NME8: variants seen among roughly 807,000 people sequenced by gnomAD.
NME8 encodes protein NME8.
NME8 carries 72 observed loss-of-function variants against 82.3 expected under a neutral mutation model. That is an observed-to-expected ratio of 0.87 (90% confidence interval 0.72 to 1.06). NME8 has a LOEUF of 1.06. Ranked by LOEUF, NME8 falls within the 50% of genes least tolerant of loss-of-function variation. NME8 has a pLI of 0.00. For synonymous variants in NME8, 267 were observed against 228.5 expected (o/e 1.17, Z -1.52); for missense variants, 712 against 685.4 (o/e 1.04, Z -0.43).
chr7:37,864,644 T>A (rs914461292), intron 9 of NME8, among the ~76,000 whole-genome samples: 1 of 152,138 alleles, frequency 6.6e-6, no homozygotes, highest in African/African-American at 2.4e-5. Flanking sequence ...ATGTAAATTT[T>A]AAAAAATTAT....
intron 2 of NME8, 56 bp from the exon 3 acceptor site, chr7:37,850,204 G>T (rs2131937313): frequency 3.5e-6 from 5 of 1,421,878 alleles, no homozygotes; most frequent in East Asian, 2.3e-5. Context: ...CATGCATAAA[G>T]AAAATGTTAT....
In NME8 at chr7:37,867,862, A is replaced by G. The variant is rs780346927; in HGVS notation, c.782A>G (p.Gln261Arg). 3 of 1,613,844 alleles carry G rather than the reference A, an allele frequency of 1.9e-6. No individual in the cohort carries two copies. Among genetic ancestry groups the G allele is most frequent in the East Asian group, 2.2e-5 (1 of 44,814 alleles). The stretch of plus-strand genomic sequence containing the variant: ...GAGGATCAACCTGAGGTCGAAGCCC[A>G]GGTTACACCTGGAATGATGAAGAAC... Reference protein sequence around the residue: ...RSEDQPEVEAQVTPGMMKNKQ... With the variant: ...RSEDQPEVEARVTPGMMKNKQ... The change falls in exon 11 of 18, where the codon CAG (glutamine) becomes CGG (arginine). Residue 261 changes from glutamine to arginine, a missense_variant. By Grantham distance (43) the Gln-to-Arg change is conservative. Transcript: ENST00000199447.
intron 11 of NME8, among the ~76,000 whole-genome samples, chr7:37,871,348 C>T (rs966285388): frequency 8.5e-5 from 13 of 152,202 alleles, no homozygotes; most frequent in African/African-American, 2.7e-4. Flanking sequence ...CATTCACATT[C>T]CAGCTTCTTT....
At chr7:37,856,670 A>G (rs911963417) in intron 5 of NME8, among the ~76,000 whole-genome samples, 2 of 152,232 alleles carry the variant, frequency 1.3e-5, no homozygotes, top group Non-Finnish European at 2.9e-5. Context: ...GAAAATATTA[A>G]GAAAATTACA....
intron 8 of NME8, 25 bp from the exon 9 acceptor site, chr7:37,864,323 T>C (rs371340468): frequency 8.8e-6 from 14 of 1,585,546 alleles, no homozygotes; most frequent in Non-Finnish European, 1.2e-5. Flanking sequence ...AATGAAATTC[T>C]GTCTTTTTCT....
chr7:37,861,980 T>C (rs1293609474), intron 6 of NME8, 48 bp from the exon 7 acceptor site: 4 of 1,171,160 alleles, frequency 3.4e-6, no homozygotes, highest in Non-Finnish European at 5.2e-6. Flanking sequence ...TAGTTCTTGG[T>C]GTGTTCTCCA....
chr7:37,888,197 C>G, intron 14 of NME8, 80 bp from the exon 15 acceptor site: 2 of 1,439,712 alleles, frequency 1.4e-6, no homozygotes, highest in Admixed American at 1.7e-5. Context: ...TATTTGATAA[C>G]TTTTGAACAA....
rs556920893 is a variant in NME8 at position 37,897,848 on chromosome 7, T to C, written c.*15+741T>C. Reference sequence around the variant, plus strand: ...TGTCCCTGCAAAGGACATGATCCTTTTGATGGCTGCGTAGTATTCCATGTA... The same window carrying C: ...TGTCCCTGCAAAGGACATGATCCTTCTGATGGCTGCGTAGTATTCCATGTA... On this transcript the variant is annotated intron_variant, in intron 17 of 17. Transcript: ENST00000199447. Among the ~76,000 whole-genome samples the C allele has an allele frequency of 9.2e-5, 14 of 152,314 alleles. No individual in the cohort carries two copies. The South Asian group carries it at 1.0e-3, about 11-fold the overall frequency.
At chr7:37,884,654 G>A (rs1785013540) in intron 13 of NME8, among the ~76,000 whole-genome samples, 1 of 152,178 alleles carries the variant, frequency 6.6e-6, no homozygotes, top group African/African-American at 2.4e-5. Context: ...TGGAATAGTA[G>A]GAAGGTCTCA....
At chr7:37,865,502 T>C (rs374496752) in intron 9 of NME8, 23 bp from the exon 10 acceptor site, 2 of 1,535,668 alleles carry the variant, frequency 1.3e-6, no homozygotes, top group African/African-American at 2.7e-5. Flanking sequence ...ACACCTGGAT[T>C]TGACCTTACT....
intron 12 of NME8, among the ~76,000 whole-genome samples, chr7:37,880,078 GTT>G (rs945871313): frequency 7.4e-6 from 1 of 134,358 alleles, no homozygotes; most frequent in Non-Finnish European, 1.7e-5. Flanking sequence ...GAGTAGAAAG[GTT>G]TTTTTTGTTT....
intron 6 of NME8, among the ~76,000 whole-genome samples, chr7:37,857,790 A>T (rs1784534625): frequency 1.3e-5 from 2 of 152,356 alleles, no homozygotes; most frequent in South Asian, 4.1e-4. Flanking sequence ...AAGTGGATCC[A>T]CCAAAATGTT....
At position 37,858,455 on chromosome 7, in the gene NME8, G is replaced by A. The variant is rs117399539; in HGVS notation, c.270+1110G>A. ...CGATTTAGGTGAGGGGTCAGCTAACGTTGTTTTTGTTGTTGTTGTTGTTTT... is the reference window on the plus strand; with the variant it reads ...CGATTTAGGTGAGGGGTCAGCTAACATTGTTTTTGTTGTTGTTGTTGTTTT... On this transcript the variant is annotated intron_variant, in intron 6 of 17. Transcript: ENST00000199447. Among the ~76,000 whole-genome samples the A allele has an allele frequency of 1.1e-4, 16 of 152,216 alleles. 1 individual carries two copies. The East Asian group carries it at 2.9e-3, about 28-fold the overall frequency.
intron 12 of NME8, among the ~76,000 whole-genome samples, chr7:37,879,656 G>A (rs1017505834): frequency 5.9e-5 from 9 of 152,132 alleles, no homozygotes; most frequent in East Asian, 1.9e-4. Flanking sequence ...ATTGCTGTAG[G>A]TGTTCATATG....
At chr7:37,882,553 A>T (rs1460761214) in intron 12 of NME8, among the ~76,000 whole-genome samples, 1 of 37,664 alleles carries the variant, frequency 2.7e-5, no homozygotes, top group Non-Finnish European at 5.4e-5. Flanking sequence ...AAGGGAAAGA[A>T]AGAAAGAAAG....
At chr7:37,899,486 A>G (rs543139246) in intron 17 of NME8, among the ~76,000 whole-genome samples, 6 of 151,766 alleles carry the variant, frequency 4.0e-5, no homozygotes, top group South Asian at 2.1e-4. Context: ...ATGAGAACAC[A>G]TGGACACATG....
In NME8 at chr7:37,848,745, G is replaced by A. The variant is rs1042295820; in HGVS notation, c.-241+17G>A. On this transcript the variant is annotated intron_variant, in intron 1 of 17. Transcript: ENST00000199447. ...ACTGCCCAGGTATAGCTGCTGTCTG[G>A]AGCAGGGGCCTCGAGACGCCGCTCA... is the stretch of plus-strand genomic sequence containing the variant. 2.4e-4 allele frequency: 37 copies of A among 152,404 alleles called. No individual in the cohort carries two copies. The highest frequency in any genetic ancestry group is 8.2e-4 in the African/African-American group (34 of 41,582). The allele number at this position is 152,404 out of a possible 1,614,324, so 9.4% of individuals were successfully genotyped here.
chr7:37,857,422 C>T, intron 6 of NME8, 77 bp downstream of exon 6: 2 of 951,304 alleles, frequency 2.1e-6, no homozygotes, highest in South Asian at 2.7e-5. Flanking sequence ...GTAAAATTAC[C>T]ATGAAATTGT....
At chr7:37,876,229 TATAGATAGATAGATAG>T (rs56873287) in intron 11 of NME8, among the ~76,000 whole-genome samples, 11 of 146,128 alleles carry the variant, frequency 7.5e-5, no homozygotes, top group East Asian at 6.2e-4. Flanking sequence ...TATATATATA[TATAGATAGATAGATAG>T]ATAGATAGAT....
Sources: allele counts gnomAD v4.1 joint callset (sites outside exome capture counted in the v4.1 genomes callset), GRCh38; gene constraint gnomAD v4.1.1; transcripts MANE v1.5; gene names NCBI Gene and HGNC (gene_info 2026-07-23, HGNC 2026-07-21).